ADGRV1: variants seen among roughly 807,000 people sequenced by gnomAD.
ADGRV1 encodes adhesion G protein-coupled receptor V1.
Under a neutral mutation model 596.2 loss-of-function variants are expected in ADGRV1, and 359 were observed. That is an observed-to-expected ratio of 0.60 (90% CI 0.55 to 0.66). The LOEUF is 0.66. Ranked by LOEUF, ADGRV1 falls within the 30% of genes least tolerant of loss-of-function variation. ADGRV1 has a pLI of 0.00. For synonymous variants in ADGRV1, 2,681 were observed against 2,679.2 expected (o/e 1.00, Z -0.02); for missense variants, 7,274 against 7,575.6 (o/e 0.96, Z 1.48).
intron 10 of ADGRV1, 69 bp downstream of exon 10, chr5:90,635,359 A>AT: frequency 7.2e-7 from 1 of 1,380,560 alleles, no homozygotes. Context: ...TATTTTTAAA[A>AT]TAAGATCAGC....
intron 75 of ADGRV1, chr5:90,822,314 C>T (rs1763635628): frequency 6.5e-6 from 1 of 153,430 alleles, no homozygotes; most frequent in Non-Finnish European, 1.4e-5. Flanking sequence ...CGCCCACTGT[C>T]TGGCACTCCC....
At chr5:90,970,387 A>G (rs543357608) in intron 84 of ADGRV1, among the ~76,000 whole-genome samples, 12 of 152,280 alleles carry the variant, frequency 7.9e-5, no homozygotes, top group Admixed American at 5.2e-4. Flanking sequence ...TGGTTCTCCC[A>G]GCACAGAGTT....
chr5:91,060,205 A>T (rs1220990805), intron 85 of ADGRV1, among the ~76,000 whole-genome samples: 1 of 151,746 alleles, frequency 6.6e-6, no homozygotes, highest in Non-Finnish European at 1.5e-5. Context: ...GGGGCGGGGC[A>T]GCAGTTTTGG....
intron 86 of ADGRV1, among the ~76,000 whole-genome samples, chr5:91,094,185 C>T: frequency 6.6e-6 from 1 of 151,986 alleles, no homozygotes; most frequent in Non-Finnish European, 1.5e-5. Flanking sequence ...CTGGGCCGGG[C>T]ACAGTGGCTC....
intron 83 of ADGRV1, among the ~76,000 whole-genome samples, chr5:90,913,104 G>T (rs754127836): frequency 6.6e-6 from 1 of 152,070 alleles, no homozygotes; most frequent in African/African-American, 2.4e-5. Flanking sequence ...CTTAGCCAGG[G>T]GTTCATTTTT....
intron 83 of ADGRV1, among the ~76,000 whole-genome samples, chr5:90,891,937 G>C (rs554273238): frequency 6.6e-6 from 1 of 151,990 alleles, no homozygotes; most frequent in East Asian, 1.9e-4. Context: ...CCTCATCTAG[G>C]TAATTTTTCT....
chr5:90,806,484 C>A (rs1761913449), intron 72 of ADGRV1, among the ~76,000 whole-genome samples: 1 of 152,040 alleles, frequency 6.6e-6, no homozygotes, highest in South Asian at 2.1e-4. Context: ...TGCAGAAACT[C>A]TTGTCTTTTA....
intron 53 of ADGRV1, among the ~76,000 whole-genome samples, chr5:90,752,905 T>G (rs563844029): frequency 6.6e-6 from 1 of 152,346 alleles, no homozygotes; most frequent in South Asian, 2.1e-4. Context: ...CATCAGCCTA[T>G]AATGCTAGTT....
At chr5:90,782,428 A>G (rs1581106584) in intron 65 of ADGRV1, among the ~76,000 whole-genome samples, 1 of 152,076 alleles carries the variant, frequency 6.6e-6, no homozygotes, top group Non-Finnish European at 1.5e-5. Context: ...TAGATTCATT[A>G]TCTTTGGGAA....
intron 85 of ADGRV1, among the ~76,000 whole-genome samples, chr5:91,016,734 T>G (rs1246059580): frequency 6.6e-6 from 1 of 151,966 alleles, no homozygotes; most frequent in Non-Finnish European, 1.5e-5. Context: ...AAGAAAGTCA[T>G]TTAGTTCATT....
In ADGRV1 at chr5:90,558,888, G is replaced by A; in HGVS notation, c.-8G>A. On this transcript the variant is annotated 5_prime_UTR_variant, in exon 1 of 90. Coordinates refer to ENST00000405460, the MANE Select transcript of ADGRV1 (RefSeq NM_032119.4). Reference sequence around the variant, plus strand: ...GGAGGGCCGGCGGGGACCGCCGGGAGCGCGCGGATGTCGGTGTTCCTGGGG... The same window carrying A: ...GGAGGGCCGGCGGGGACCGCCGGGAACGCGCGGATGTCGGTGTTCCTGGGG... 1 of 1,559,742 alleles carries A rather than the reference G, an allele frequency of 6.4e-7. No individual in the cohort carries two copies. Among genetic ancestry groups the A allele is most frequent in the East Asian group, 2.4e-5 (1 of 42,032 alleles).
chr5:90,930,762 T>C (rs79562252), intron 83 of ADGRV1, among the ~76,000 whole-genome samples: 1 of 152,264 alleles, frequency 6.6e-6, no homozygotes, highest in Non-Finnish European at 1.5e-5. Context: ...TGAGGAAATA[T>C]TGTGGTTTCA....
At chr5:91,001,798 C>T (rs1781876127) in intron 85 of ADGRV1, among the ~76,000 whole-genome samples, 1 of 151,816 alleles carries the variant, frequency 6.6e-6, no homozygotes, top group African/African-American at 2.4e-5. Flanking sequence ...TTCTTTTTTT[C>T]CTGAATATCA....
intron 77 of ADGRV1, among the ~76,000 whole-genome samples, chr5:90,831,473 A>G (rs1052910236): frequency 6.6e-6 from 1 of 152,126 alleles, no homozygotes; most frequent in African/African-American, 2.4e-5. Flanking sequence ...GATACATGAG[A>G]TATTTTGATA....
At chr5:91,148,849 G>A (rs145006190) in intron 87 of ADGRV1, among the ~76,000 whole-genome samples, 2,220 of 152,316 alleles carry the variant, frequency 0.015, 47 homozygotes, top group African/African-American at 0.046. Flanking sequence ...CCAAGGCCGC[G>A]GGAACCCACC....
intron 87 of ADGRV1, among the ~76,000 whole-genome samples, chr5:91,148,564 A>AC (rs1378096822): frequency 6.6e-6 from 1 of 152,222 alleles, no homozygotes; most frequent in Non-Finnish European, 1.5e-5. Context: ...AAATGCCTGG[A>AC]CACCCGGGCA....
chr5:90,647,361 G>C, intron 16 of ADGRV1, 137 bp from the exon 17 acceptor site: 1 of 722,052 alleles, frequency 1.4e-6, no homozygotes, highest in South Asian at 2.7e-5. Flanking sequence ...TGTCAGAGTT[G>C]GGAACAGAGC....
chr5:90,854,878 A>G (rs1766874018), intron 81 of ADGRV1, among the ~76,000 whole-genome samples: 1 of 152,202 alleles, frequency 6.6e-6, no homozygotes, highest in African/African-American at 2.4e-5. Context: ...TTAGTTTGGT[A>G]ACCAACTTTC....
Position 91,035,861 on chromosome 5 carries a change from T to TATATATATATATATATAATATATATAATA in ADGRV1, c.18153-36586_18153-36585insATATATATATATATATAATATATATAATA. Among the ~76,000 whole-genome samples the TATATATATATATATATAATATATATAATA allele has an allele frequency of 1.7e-3, 162 of 96,390 alleles. 3 individuals carry two copies. In the East Asian group the frequency reaches 0.024, roughly 14 times the overall value. 63.2% of individuals were successfully genotyped at this position (96,390 alleles called of 152,430 possible). A position where few individuals can be genotyped will look rare whatever the true frequency, so the allele number is the denominator to read the frequency against. On this transcript the variant is annotated intron_variant, in intron 85 of 89. Coordinates refer to ENST00000405460, the MANE Select transcript of ADGRV1 (RefSeq NM_032119.4). Reference sequence around the variant, plus strand: ...ATGAGTGTGTATATATATATATATATTATATATATATATATATATATCTTA... The same window carrying TATATATATATATATATAATATATATAATA: ...ATGAGTGTGTATATATATATATATATATATATATATATATATAATATATATAATATATATATATATATATATATATCTTA...
Sources: gnomAD v4.1 joint callset for allele counts (sites outside exome capture counted in the v4.1 genomes callset) on GRCh38, gnomAD v4.1.1 for gene constraint, MANE v1.5 for transcripts, NCBI Gene and HGNC (gene_info 2026-07-23, HGNC 2026-07-21) for gene names.